Variants in PRKD1 observed in about 807,000 individuals in gnomAD.
PRKD1 encodes the protein protein kinase D1.
Under a neutral mutation model 95.9 loss-of-function variants are expected in PRKD1, and 63 were observed. That is an observed-to-expected ratio of 0.66 (90% CI 0.54 to 0.81). The LOEUF is 0.81. Ranked by LOEUF, PRKD1 falls within the 30% of genes least tolerant of loss-of-function variation. The probability of loss-of-function intolerance (pLI) is 0.00; values close to 1 mark genes in which losing one functional copy is unlikely to be tolerated. For synonymous variants in PRKD1, 425 were observed against 423.1 expected (o/e 1.00, Z -0.05); for missense variants, 1,048 against 1,165.3 (o/e 0.90, Z 1.47).
chr14:29,608,446 T>A (rs1046918711), intron 13 of PRKD1, among the ~76,000 whole-genome samples: 1 of 152,166 alleles, frequency 6.6e-6, no homozygotes, highest in Admixed American at 6.5e-5. Context: ...TATGCTGATA[T>A]ATAAGGGAAA....
At chr14:29,857,010 G>T (rs1892530769) in intron 1 of PRKD1, among the ~76,000 whole-genome samples, 1 of 152,166 alleles carries the variant, frequency 6.6e-6, no homozygotes, top group Non-Finnish European at 1.5e-5. Context: ...ACCCAAGTGT[G>T]ATCAAACCCA....
chr14:29,659,016 G>A (rs1882046820), intron 4 of PRKD1, among the ~76,000 whole-genome samples: 1 of 151,972 alleles, frequency 6.6e-6, no homozygotes, highest in Admixed American at 6.6e-5. Flanking sequence ...CTTTTACTGA[G>A]GTACAATTCA....
intron 1 of PRKD1, among the ~76,000 whole-genome samples, chr14:29,842,744 C>G (rs1226799381): frequency 6.6e-6 from 1 of 152,140 alleles, no homozygotes; most frequent in Non-Finnish European, 1.5e-5. Context: ...ACATGTTAGC[C>G]TCCAAACTGA....
At chr14:29,826,730 T>TAC (rs1423672523) in intron 1 of PRKD1, among the ~76,000 whole-genome samples, 1 of 88,558 alleles carries the variant, frequency 1.1e-5, no homozygotes, top group Non-Finnish European at 2.1e-5. Context: ...TACATATATA[T>TAC]ACACATATAT....
intron 1 of PRKD1, among the ~76,000 whole-genome samples, chr14:29,889,116 T>G (rs1893845987): frequency 1.3e-5 from 2 of 152,174 alleles, no homozygotes. Flanking sequence ...CTTGAGACAT[T>G]CAAATGGGCT....
intron 2 of PRKD1, among the ~76,000 whole-genome samples, chr14:29,691,575 C>A (rs1884235841): frequency 6.6e-6 from 1 of 152,086 alleles, no homozygotes. Flanking sequence ...TAGGTTGGTG[C>A]AAAACTAATT....
At chr14:29,800,843 C>T (rs1402239196) in intron 1 of PRKD1, among the ~76,000 whole-genome samples, 1 of 152,066 alleles carries the variant, frequency 6.6e-6, no homozygotes, top group African/African-American at 2.4e-5. Context: ...CATCCCTTTC[C>T]TTCTAGCTCC....
At chr14:29,795,438 T>C (rs1157491034) in intron 1 of PRKD1, among the ~76,000 whole-genome samples, 2 of 152,106 alleles carry the variant, frequency 1.3e-5, no homozygotes, top group African/African-American at 4.8e-5. Context: ...TAATTCATGT[T>C]CCCATTATAT....
intron 1 of PRKD1, among the ~76,000 whole-genome samples, chr14:29,826,758 C>CATATATATACACACAT: frequency 2.5e-5 from 1 of 40,010 alleles, no homozygotes; most frequent in Non-Finnish European, 4.5e-5. Flanking sequence ...TATATATATA[C>CATATATATACACACAT]ATATATATAT....
chr14:29,621,910 C>A (rs552478055), intron 13 of PRKD1, among the ~76,000 whole-genome samples: 19 of 152,318 alleles, frequency 1.2e-4, no homozygotes, highest in African/African-American at 3.8e-4. Context: ...AGGAGCAGAA[C>A]TGGACTTTCA....
chr14:29,746,264 G>A (rs974427257), intron 1 of PRKD1, among the ~76,000 whole-genome samples: 1 of 152,016 alleles, frequency 6.6e-6, no homozygotes, highest in African/African-American at 2.4e-5. Context: ...AACTGAATGC[G>A]CTTATTCCTA....
chr14:29,669,588 C>T (rs910765675), intron 2 of PRKD1, among the ~76,000 whole-genome samples: 4 of 152,144 alleles, frequency 2.6e-5, no homozygotes, highest in Non-Finnish European at 5.9e-5. Context: ...ACAATATTGG[C>T]TGGGCATAGT....
At chr14:29,652,088 C>G (rs1375963833) in intron 4 of PRKD1, among the ~76,000 whole-genome samples, 1 of 152,084 alleles carries the variant, frequency 6.6e-6, no homozygotes. Flanking sequence ...AAGTTATGAG[C>G]AGTCGGTAAT....
intron 1 of PRKD1, among the ~76,000 whole-genome samples, chr14:29,774,141 C>T (rs1410490533): frequency 1.3e-5 from 2 of 152,184 alleles, no homozygotes; most frequent in Non-Finnish European, 2.9e-5. Context: ...CAAACACCTT[C>T]TCTGCACTGA....
At chr14:29,597,221 T>C (rs1333818867) in intron 16 of PRKD1, among the ~76,000 whole-genome samples, 1 of 152,152 alleles carries the variant, frequency 6.6e-6, no homozygotes, top group Admixed American at 6.6e-5. Context: ...TTATTACTAT[T>C]ATATTAAGGT....
intron 2 of PRKD1, among the ~76,000 whole-genome samples, chr14:29,685,273 G>C (rs1883792394): frequency 6.6e-6 from 1 of 152,152 alleles, no homozygotes; most frequent in Admixed American, 6.5e-5. Context: ...TTGAGTGCTT[G>C]TTTTCAGCTT....
At chr14:29,909,707 G>A (rs1894634807) in intron 1 of PRKD1, among the ~76,000 whole-genome samples, 1 of 152,094 alleles carries the variant, frequency 6.6e-6, no homozygotes, top group African/African-American at 2.4e-5. Context: ...AGCACTCTGT[G>A]TCTAGCTCAA....
intron 1 of PRKD1, among the ~76,000 whole-genome samples, chr14:29,815,932 A>AT (rs1194170804): frequency 6.6e-6 from 1 of 152,142 alleles, no homozygotes; most frequent in Admixed American, 6.5e-5. Context: ...CAACTTAGTC[A>AT]TATCAGGCCG....
intron 1 of PRKD1, among the ~76,000 whole-genome samples, chr14:29,763,123 A>AT (rs1187178973): frequency 6.6e-5 from 8 of 121,122 alleles, no homozygotes; most frequent in African/African-American, 1.1e-4. Flanking sequence ...TGTCTCTAAA[A>AT]TTAAAAAAAA....
Sources: gnomAD v4.1 joint callset for allele counts (sites outside exome capture counted in the v4.1 genomes callset) on GRCh38, gnomAD v4.1.1 for gene constraint, MANE v1.5 for transcripts, NCBI Gene and HGNC (gene_info 2026-07-23, HGNC 2026-07-21) for gene names.